The following CLMP variants were observed in gnomAD, a reference collection of about 807,000 sequenced individuals.
CLMP encodes the protein CXADR like cell adhesion molecule.
Under a neutral mutation model 45.2 loss-of-function variants are expected in CLMP, and 27 were observed. That is an observed-to-expected ratio of 0.60 (90% CI 0.44 to 0.82). CLMP has a LOEUF of 0.82. Among genes scored for constraint, CLMP ranks in the 40% least tolerant of loss-of-function variants. The probability of loss-of-function intolerance (pLI) is 0.00; values close to 1 mark genes in which losing one functional copy is unlikely to be tolerated. For synonymous variants in CLMP, 167 were observed against 171.4 expected, an observed-to-expected ratio of 0.97 and a Z score of 0.20; for missense variants, 403 against 448.4, an observed-to-expected ratio of 0.90 and a Z score of 0.91.
At chr11:123,091,817 A>G (rs907648030) in intron 2 of CLMP, among the ~76,000 whole-genome samples, 3 of 152,162 alleles carry the variant, frequency 2.0e-5, no homozygotes, top group Admixed American at 1.3e-4. Flanking sequence ...ACGTTTGTGT[A>G]GCAAAGCTCA....
intron 1 of CLMP, among the ~76,000 whole-genome samples, chr11:123,115,732 C>T (rs1860711662): frequency 6.6e-6 from 1 of 152,134 alleles, no homozygotes. Flanking sequence ...GTGACCATTT[C>T]ACGAAATTTG....
At chr11:123,179,342 G>T (rs1207145033) in intron 1 of CLMP, among the ~76,000 whole-genome samples, 1 of 152,190 alleles carries the variant, frequency 6.6e-6, no homozygotes, top group African/African-American at 2.4e-5. Context: ...TCTATTGGGT[G>T]GAGGCGGGAT....
At chr11:123,098,782 C>T (rs181704668) in intron 1 of CLMP, among the ~76,000 whole-genome samples, 23 of 149,766 alleles carry the variant, frequency 1.5e-4, no homozygotes, top group Middle Eastern at 3.5e-3. Context: ...TCTCGGCTCA[C>T]TGCAACCTCC....
intron 1 of CLMP, among the ~76,000 whole-genome samples, chr11:123,150,416 T>TAAGAAAGG (rs1861297567): frequency 3.2e-5 from 1 of 30,892 alleles, no homozygotes; most frequent in African/African-American, 1.4e-4. Flanking sequence ...GGAAGGAAGG[T>TAAGAAAGG]AAGAAAGAAA....
chr11:123,076,904 G>A (rs1865746767), intron 5 of CLMP, among the ~76,000 whole-genome samples: 2 of 152,106 alleles, frequency 1.3e-5, no homozygotes, highest in Non-Finnish European at 2.9e-5. Context: ...GATGGATTAG[G>A]CTAGGATGAA....
intron 1 of CLMP, among the ~76,000 whole-genome samples, chr11:123,150,477 A>AAGAAAGAAAGAAAG (rs1565397417): frequency 8.5e-5 from 9 of 105,622 alleles, no homozygotes; most frequent in Non-Finnish European, 1.7e-4. Context: ...GAAAGAAAGA[A>AAGAAAGAAAGAAAG]AGAAAGGAAG....
chr11:123,077,335 A>C (rs1327130211), intron 5 of CLMP, among the ~76,000 whole-genome samples: 2 of 146,242 alleles, frequency 1.4e-5, no homozygotes, highest in African/African-American at 5.1e-5. Flanking sequence ...TGATACAATT[A>C]TTTATTTATT....
rs1565374866 is a variant in CLMP, at chr11:123,074,964, T to TTTTG, written c.680-122_680-121insCAAA. 70 of 1,238,724 alleles carry TTTTG rather than the reference T, an allele frequency of 5.7e-5. No individual in the cohort carries two copies. In the East Asian group the frequency reaches 1.7e-3, roughly 30 times the overall value. The allele number at this position is 1,238,724 out of a possible 1,614,324, so 76.7% of individuals were successfully genotyped here. A position where few individuals can be genotyped will look rare whatever the true frequency, so the allele number is the denominator to read the frequency against. On this transcript the variant is annotated intron_variant, in intron 5 of 6. Coordinates refer to ENST00000448775, the MANE Select transcript of CLMP (RefSeq NM_024769.5). ...TTTGCAGGTTTGTTTGTTTTGTTTT[T>TTTTG]TTTTTTTTGAGACGGAGTTTCACTC...
chr11:123,185,990 G>A (rs1229420532), intron 1 of CLMP, among the ~76,000 whole-genome samples: 1 of 152,152 alleles, frequency 6.6e-6, no homozygotes, highest in Non-Finnish European at 1.5e-5. Flanking sequence ...CCACAGGCCA[G>A]GCCTCTCAGT....
intron 1 of CLMP, among the ~76,000 whole-genome samples, chr11:123,130,797 G>A (rs1163078260): frequency 6.7e-6 from 1 of 149,578 alleles, no homozygotes; most frequent in Non-Finnish European, 1.5e-5. Context: ...AGTGTGGTAA[G>A]TTCTTTGTTT....
At chr11:123,156,449 G>A (rs11600361) in intron 1 of CLMP, among the ~76,000 whole-genome samples, 39,542 of 152,096 alleles carry the variant, frequency 0.26, 5,287 homozygotes, top group East Asian at 0.33. Flanking sequence ...AGCCAGGACC[G>A]CCTAGCTAAG....
At position 123,071,933 on chromosome 11, in the gene CLMP, T is replaced by A. The variant is rs1865676713; in HGVS notation, c.*1541A>T. Reference sequence around the variant, plus strand: ...CCATTCATCAACTCTTCAGCAGCTATCCTGGTGAGTTATTTTTGCTAAATC... The same window carrying A: ...CCATTCATCAACTCTTCAGCAGCTAACCTGGTGAGTTATTTTTGCTAAATC... On this transcript the variant is annotated 3_prime_UTR_variant, in exon 7 of 7. Transcript: ENST00000448775. 1.3e-5 allele frequency: 2 copies of A among 152,238 alleles called. No homozygotes were observed. The highest frequency in any genetic ancestry group is 1.3e-4 in the Admixed American group (2 of 15,286). 9.4% of individuals were successfully genotyped at this position (152,238 alleles called of 1,614,324 possible). A position where few individuals can be genotyped will look rare whatever the true frequency, so the allele number is the denominator to read the frequency against.
chr11:123,152,512 G>C (rs1861350664), intron 1 of CLMP, among the ~76,000 whole-genome samples: 1 of 150,136 alleles, frequency 6.7e-6, no homozygotes. Flanking sequence ...GACAGAGTGA[G>C]ACTCCATCTC....
intron 5 of CLMP, among the ~76,000 whole-genome samples, chr11:123,081,409 A>T (rs1865802532): frequency 6.6e-6 from 1 of 152,128 alleles, no homozygotes; most frequent in East Asian, 1.9e-4. Context: ...ATAAATTTTA[A>T]CACTGCAAAC....
intron 1 of CLMP, among the ~76,000 whole-genome samples, chr11:123,138,508 G>A (rs1190551214): frequency 2.6e-5 from 4 of 151,868 alleles, no homozygotes; most frequent in Non-Finnish European, 5.9e-5. Flanking sequence ...TTTTCCTGCT[G>A]GTTACAGAGA....
chr11:123,119,976 C>T (rs190027380), intron 1 of CLMP, among the ~76,000 whole-genome samples: 196 of 152,244 alleles, frequency 1.3e-3, no homozygotes, highest in African/African-American at 4.5e-3. Context: ...TGTGAGCCAC[C>T]GCGCCTGGCA....
At chr11:123,098,951 C>T (rs534348797) in intron 1 of CLMP, among the ~76,000 whole-genome samples, 1 of 152,174 alleles carries the variant, frequency 6.6e-6, no homozygotes, top group Non-Finnish European at 1.5e-5. Context: ...CCTCAGCCTC[C>T]CAAAGTGCTG....
intron 1 of CLMP, among the ~76,000 whole-genome samples, chr11:123,112,216 T>G (rs1860648586): frequency 6.6e-6 from 1 of 152,168 alleles, no homozygotes; most frequent in Non-Finnish European, 1.5e-5. Flanking sequence ...GCCAGTAAAT[T>G]ACGAAACCCT....
At position 123,185,083 on chromosome 11, in the gene CLMP, A is replaced by G. The variant is rs1861816676; in HGVS notation, c.28+9830T>C. On this transcript the variant is annotated intron_variant, in intron 1 of 6. Coordinates refer to ENST00000448775, the MANE Select transcript of CLMP (RefSeq NM_024769.5). ...ATGGGAGGGAGCTGGTCAGGGTAGA[A>G]GTGGTGAAGAGGTGGCTGGTCACAG... Among the ~76,000 whole-genome samples the G allele has an allele frequency of 2.6e-5, 4 of 152,164 alleles. 1 individual carries two copies. The South Asian group carries it at 8.3e-4, about 31-fold the overall frequency.
Sources: gnomAD v4.1 joint callset for allele counts (sites outside exome capture counted in the v4.1 genomes callset) on GRCh38, gnomAD v4.1.1 for gene constraint, MANE v1.5 for transcripts, NCBI Gene and HGNC (gene_info 2026-07-23, HGNC 2026-07-21) for gene names.